Variants in PIK3C2B observed in about 807,000 individuals in gnomAD.
The protein encoded by PIK3C2B is phosphatidylinositol 4-phosphate 3-kinase C2 domain-containing subunit beta.
A neutral mutation model predicts 184.3 loss-of-function variants in PIK3C2B; 83 were observed. The ratio of observed to expected loss-of-function variants is 0.45; its 90% confidence interval spans 0.38 to 0.54. The LOEUF (loss-of-function observed/expected upper bound fraction) is 0.54, where lower values mean the gene tolerates loss of function less well. Among genes scored for constraint, PIK3C2B ranks in the 20% least tolerant of loss-of-function variants. PIK3C2B has a pLI of 0.00. For synonymous variants in PIK3C2B, 779 were observed against 837.6 expected (o/e 0.93, Z 1.21); for missense variants, 1,736 against 2,113.5 (o/e 0.82, Z 3.50).
At position 204,442,663 on chromosome 1, in the gene PIK3C2B, G is replaced by A. The variant is rs547505416; in HGVS notation, c.3049-30C>T. On this transcript the variant is annotated intron_variant, in intron 19 of 32. Coordinates refer to ENST00000684373, the MANE Select transcript of PIK3C2B (RefSeq NM_001377334.1). ...AAAGAAGGGGAGGAGTACAGCAGGG[G>A]TGAAATGGAGGGTCCATACTGAGAA... 13 of 1,426,600 alleles carry A rather than the reference G, an allele frequency of 9.1e-6. No individual in the cohort carries two copies. The East Asian group carries it at 3.0e-4, about 33-fold the overall frequency. 88.4% of individuals were successfully genotyped at this position (1,426,600 alleles called of 1,614,324 possible).
intron 2 of PIK3C2B, chr1:204,466,764 C>A: frequency 2.0e-6 from 1 of 490,176 alleles, no homozygotes; most frequent in Non-Finnish European, 4.1e-6. Flanking sequence ...AAACAAAAGC[C>A]ACTTACGTTT....
At chr1:204,442,742 C>A in intron 19 of PIK3C2B, 109 bp from the exon 20 acceptor site, 3 of 702,802 alleles carry the variant, frequency 4.3e-6, no homozygotes, top group South Asian at 3.4e-5. Flanking sequence ...AAAACCACCC[C>A]CTGAGAAGTG....
intron 2 of PIK3C2B, among the ~76,000 whole-genome samples, chr1:204,468,606 A>G (rs1656012931): frequency 6.6e-6 from 1 of 152,242 alleles, no homozygotes; most frequent in African/African-American, 2.4e-5. Flanking sequence ...AGGAACCAGG[A>G]TTCCCAAATG....
rs747272369 is a variant in PIK3C2B, at chr1:204,469,333, G to A, written c.470C>T (p.Pro157Leu). Reference protein sequence around the residue: ...IEGSCKKLSPPPLPPRASIWD... With the variant: ...IEGSCKKLSPLPLPPRASIWD... Reference sequence around the variant, plus strand: ...GATAGAAGCTCGGGGAGGCAGAGGAGGTGGGGATAGTTTCTTGCAAGAGCC... The same window carrying A: ...GATAGAAGCTCGGGGAGGCAGAGGAAGTGGGGATAGTTTCTTGCAAGAGCC... The change falls in exon 2 of 33, where the codon CCT becomes CTT. Residue 157 changes from proline (P) to leucine (L), a missense_variant. Transcript: ENST00000684373. The A allele has an allele frequency of 2.0e-6, 3 of 1,529,858 alleles. No homozygotes were observed. The highest frequency in any genetic ancestry group is 2.2e-5 in the Admixed American group (1 of 46,422). The allele number at this position is 1,529,858 out of a possible 1,614,324, so 94.8% of individuals were successfully genotyped here. A position where few individuals can be genotyped will look rare whatever the true frequency, so the allele number is the denominator to read the frequency against.
Position 204,449,199 on chromosome 1 carries a change from T to C in PIK3C2B, c.2332A>G (p.Ser778Gly). Residue 778 changes from serine (S) to glycine (G), a missense_variant, in exon 14 of 33, where the codon AGT becomes GGT. Physicochemically the swap from Ser to Gly is moderately conservative, Grantham distance 56. This residue lies in a region of PIK3C2B where 609 missense variants were observed against 699.2 expected (regional missense o/e 0.87). Coordinates refer to ENST00000684373, the MANE Select transcript of PIK3C2B (RefSeq NM_001377334.1). The part of the protein sequence containing the change: ...WSAPNFHQPD[S>G]VILQIDFPTS... ...TAAAGCCTCACCTGCAGGATGACACTGTCTGGCTGGTGGAAATTAGGTGCA... is the reference window on the plus strand; with the variant it reads ...TAAAGCCTCACCTGCAGGATGACACCGTCTGGCTGGTGGAAATTAGGTGCA... 8 of 1,610,782 alleles carry C rather than the reference T, an allele frequency of 5.0e-6. No homozygotes were observed. The highest frequency in any genetic ancestry group is 6.8e-6 in the Non-Finnish European group (8 of 1,178,316).
At chr1:204,425,793 T>C in intron 31 of PIK3C2B, 52 bp from the exon 32 acceptor site, 1 of 1,538,328 alleles carries the variant, frequency 6.5e-7, no homozygotes, top group Non-Finnish European at 9.0e-7. Context: ...CATCTGTCTC[T>C]TCACCACCAT....
Position 204,449,227 on chromosome 1 carries a change from C to T in PIK3C2B, c.2304G>A (p.Trp768Ter). 1 of 1,613,048 alleles carries T rather than the reference C, an allele frequency of 6.2e-7. No homozygotes were observed. The highest frequency in any genetic ancestry group is 8.5e-7 in the Non-Finnish European group (1 of 1,179,786). Reference protein sequence around the residue: ...PATQENPSARWSAPNFHQPDS... With the variant: ...PATQENPSAR ...CTGGCTGGTGGAAATTAGGTGCACT[C>T]CAACGGGCGCTGGGATTTTCCTGTG... The change falls in exon 14 of 33, where the codon TGG becomes TGA. Residue 768 changes from tryptophan to a stop codon, truncating the protein, a stop_gained. Transcript: ENST00000684373. LOFTEE classifies it high-confidence loss of function.
At position 204,466,130 on chromosome 1, in the gene PIK3C2B, G is replaced by A. The variant is rs114299856; in HGVS notation, c.934-811C>T. ...AAAGAAGCCCCTAGCAAGGCCTGTA[G>A]CCCAGCCCTAGGGAGAAGGAAGTGA... On this transcript the variant is annotated intron_variant, in intron 2 of 32. Transcript: ENST00000684373. 2.6e-3 allele frequency among the ~76,000 whole-genome samples: 401 copies of A among 152,310 alleles called. 4 individuals carry two copies. Among genetic ancestry groups the A allele is most frequent in the African/African-American group, 9.0e-3 (376 of 41,566 alleles).
chr1:204,443,281 G>A, intron 19 of PIK3C2B, 136 bp downstream of exon 19: 1 of 745,964 alleles, frequency 1.3e-6, no homozygotes, highest in Admixed American at 2.6e-5. Context: ...TTACGGCCTA[G>A]TTTCCAGAGT....
In PIK3C2B at chr1:204,447,407, G is replaced by A. The variant is rs922093815; in HGVS notation, c.2489+29C>T. 6.2e-7 allele frequency: 1 copy of A among 1,603,724 alleles called. No homozygotes were observed. The highest frequency in any genetic ancestry group is 8.5e-7 in the Non-Finnish European group (1 of 1,171,928). ...AGTGCTGGGAGGTCAGATGAAACATGACAGATTCAGTGGGGGCCCGGGTCT... is the reference window on the plus strand; with the variant it reads ...AGTGCTGGGAGGTCAGATGAAACATAACAGATTCAGTGGGGGCCCGGGTCT... On this transcript the variant is annotated intron_variant, in intron 15 of 32. Coordinates refer to ENST00000684373, the MANE Select transcript of PIK3C2B (RefSeq NM_001377334.1). The surrounding 1 kb of genome is among the most constrained non-coding windows in gnomAD (Gnocchi z 4.1).
chr1:204,427,627 C>T, intron 31 of PIK3C2B, 21 bp downstream of exon 31: 1 of 1,522,624 alleles, frequency 6.6e-7, no homozygotes, highest in Non-Finnish European at 9.1e-7. Flanking sequence ...GAAAAAAAAT[C>T]ACGGCTGTGC....
chr1:204,434,948 G>C (rs1431474610), intron 23 of PIK3C2B, among the ~76,000 whole-genome samples: 1 of 152,148 alleles, frequency 6.6e-6, no homozygotes, highest in Non-Finnish European at 1.5e-5. Flanking sequence ...CAGACTGAGG[G>C]GACCTTAAGA....
chr1:204,437,428 G>A (rs1285664041), intron 23 of PIK3C2B, among the ~76,000 whole-genome samples: 1 of 152,180 alleles, frequency 6.6e-6, no homozygotes, highest in Non-Finnish European at 1.5e-5. Flanking sequence ...CCAGGAGGTG[G>A]AGGTTGCAGT....
At chr1:204,425,773 A>G in intron 31 of PIK3C2B, 32 bp from the exon 32 acceptor site, 1 of 1,606,702 alleles carries the variant, frequency 6.2e-7, no homozygotes, top group Non-Finnish European at 8.5e-7. Context: ...AAAAATGTTA[A>G]GATTTTTAAC....
intron 1 of PIK3C2B, among the ~76,000 whole-genome samples, chr1:204,485,566 G>A (rs1324624504): frequency 1.4e-5 from 2 of 145,078 alleles, no homozygotes; most frequent in Non-Finnish European, 1.5e-5. Context: ...CTCTGATCAT[G>A]TCATTCTTCC....
At chr1:204,457,976 A>G in intron 8 of PIK3C2B, 102 bp from the exon 9 acceptor site, 1 of 992,770 alleles carries the variant, frequency 1.0e-6, no homozygotes. Flanking sequence ...TGGGAAGAGT[A>G]GAGAGATTCA....
rs1336789041 is a variant in PIK3C2B at position 204,494,805 on chromosome 1, C to T, written c.-534G>A. 1 of 152,086 alleles carries T rather than the reference C, an allele frequency of 6.6e-6. No individual in the cohort carries two copies. The highest frequency in any genetic ancestry group is 2.4e-5 in the African/African-American group (1 of 41,406). 9.4% of individuals were successfully genotyped at this position (152,086 alleles called of 1,614,324 possible). A position where few individuals can be genotyped will look rare whatever the true frequency, so the allele number is the denominator to read the frequency against. On this transcript the variant is annotated 5_prime_UTR_variant, in exon 1 of 33. Transcript: ENST00000684373. ...CCGGCTCCAGCCGCAGCGCCGAATC[C>T]GCCGCGAGCCGGAGGGCGGGGCGGC...
At chr1:204,445,903 GCCCTGGCTT>G (rs1393334042) in intron 16 of PIK3C2B, 44 bp downstream of exon 16, 4 of 1,293,282 alleles carry the variant, frequency 3.1e-6, no homozygotes, top group Non-Finnish European at 4.2e-6. Context: ...GCAGTGTCGT[GCCCTGGCTT>G]CTACAAGAAC....
intron 1 of PIK3C2B, among the ~76,000 whole-genome samples, chr1:204,493,263 G>A (rs1658127523): frequency 6.6e-6 from 1 of 152,204 alleles, no homozygotes; most frequent in Non-Finnish European, 1.5e-5. Context: ...AGAGCAAGGA[G>A]GAGGGGCAGC....
Sources: gnomAD v4.1 joint callset for allele counts (sites outside exome capture counted in the v4.1 genomes callset) on GRCh38, gnomAD v4.1.1 for gene constraint, gnomAD v4.1.1 regional missense constraint, Gnocchi (gnomAD v3.1) non-coding constraint, MANE v1.5 for transcripts, NCBI Gene and HGNC (gene_info 2026-07-23, HGNC 2026-07-21) for gene names.